RUBCN: variants seen among roughly 807,000 people sequenced by gnomAD.
RUBCN encodes rubicon autophagy regulator, also known as run domain Beclin-1-interacting and cysteine-rich domain-containing protein.
Under a neutral mutation model 113.2 loss-of-function variants are expected in RUBCN, and 74 were observed. The observed-to-expected ratio is 0.65, with a 90% confidence interval of 0.54 to 0.79. RUBCN has a LOEUF of 0.79. Among genes scored for constraint, RUBCN ranks in the 30% least tolerant of loss-of-function variants. The pLI is 0.00. For missense variants in RUBCN, 1,109 were observed against 1,251.7 expected (o/e 0.89, Z 1.72); for synonymous variants, 480 against 490.0 (o/e 0.98, Z 0.27).
chr3:197,737,728 A>T (rs1728295520), upstream of RUBCN, among the ~76,000 whole-genome samples: 1 of 152,184 alleles, frequency 6.6e-6, no homozygotes, highest in Non-Finnish European at 1.5e-5. Flanking sequence ...ACTTTTGACA[A>T]TGTGGACAGG....
intron 1 of RUBCN, among the ~76,000 whole-genome samples, chr3:197,722,291 A>G (rs532406311): frequency 2.0e-5 from 3 of 152,142 alleles, no homozygotes; most frequent in South Asian, 2.1e-4. Flanking sequence ...TCAGTTTTTA[A>G]AAGTTTGTTG....
chr3:197,677,446 G>A lies in RUBCN; in HGVS notation c.2492+34C>T, dbSNP rs372579134. ...ATGTGTCCCTTTCGGAGACAGCAACGTGGCCAGAGGGCTCTAGCTCCAAAA... is the reference window on the plus strand; with the variant it reads ...ATGTGTCCCTTTCGGAGACAGCAACATGGCCAGAGGGCTCTAGCTCCAAAA... On this transcript the variant is annotated intron_variant, in intron 17 of 19. Transcript: ENST00000296343. The A allele has an allele frequency of 1.3e-4, 206 of 1,579,666 alleles. 1 individual carries two copies. The South Asian group carries it at 1.3e-3, about 10-fold the overall frequency.
chr3:197,742,782 C>G (rs1728579482), intron 1 of RUBCN, among the ~76,000 whole-genome samples: 1 of 152,244 alleles, frequency 6.6e-6, no homozygotes, highest in Admixed American at 6.5e-5. Context: ...CCCAAGAATC[C>G]TGGCTCCCTG....
At chr3:197,729,039 G>A (rs558595517) in intron 1 of RUBCN, among the ~76,000 whole-genome samples, 151 of 151,638 alleles carry the variant, frequency 1.0e-3, no homozygotes, top group Admixed American at 1.7e-3. Context: ...CGAGGCGGGC[G>A]GATCACGAGG....
chr3:197,738,944 A>G (rs1433861372), upstream of RUBCN, among the ~76,000 whole-genome samples: 1 of 151,930 alleles, frequency 6.6e-6, no homozygotes, highest in Non-Finnish European at 1.5e-5. Flanking sequence ...CATACAGTAT[A>G]ATCCCAAATT....
At chr3:197,737,458 C>T (rs1728275335), upstream of RUBCN, among the ~76,000 whole-genome samples, 1 of 151,192 alleles carries the variant, frequency 6.6e-6, no homozygotes, top group African/African-American at 2.4e-5. Flanking sequence ...AGGCTGAGTA[C>T]GGGTTAGCCA....
upstream of RUBCN, among the ~76,000 whole-genome samples, chr3:197,737,924 T>C (rs1160239391): frequency 2.0e-5 from 3 of 152,172 alleles, no homozygotes; most frequent in Non-Finnish European, 2.9e-5. Context: ...GGTCTCTCTC[T>C]GTCGCCCAGG....
intron 17 of RUBCN, 123 bp downstream of exon 17, chr3:197,677,357 C>G (rs769732054): frequency 3.5e-6 from 3 of 855,600 alleles, no homozygotes; most frequent in Non-Finnish European, 6.1e-6. Context: ...TCCTGTTTAC[C>G]ACTTTACAGT....
At chr3:197,676,461 C>A in intron 18 of RUBCN, 1 of 607,422 alleles carries the variant, frequency 1.6e-6, no homozygotes, top group Non-Finnish European at 2.2e-6. Flanking sequence ...TTACAGGCAC[C>A]CGCCATCATG....
chr3:197,742,394 G>A (rs1158359630), intron 1 of RUBCN, among the ~76,000 whole-genome samples: 2 of 152,006 alleles, frequency 1.3e-5, no homozygotes, highest in African/African-American at 4.8e-5. Flanking sequence ...TTGGGAGGCT[G>A]AGGCAGGAGA....
chr3:197,677,539 C>A lies in RUBCN; in HGVS notation c.2433G>T (p.Leu811=), dbSNP rs1006019665. ...TCATGTGACACAGCTGGACCCGCAG[C>A]AGCTGAAAAGAAAGAGAGGGGGGCA... ...RKVKLLNQVR[L]LRVQLCHMKN... Residue 811 remains leucine, a splice_region_variant and synonymous_variant, in exon 17 of 20, where the codon CTG becomes CTT. Transcript: ENST00000296343. 1 of 1,614,052 alleles carries A rather than the reference C, an allele frequency of 6.2e-7. No individual in the cohort carries two copies. The highest frequency in any genetic ancestry group is 8.5e-7 in the Non-Finnish European group (1 of 1,180,010).
At chr3:197,741,155 A>G (rs1450630458), upstream of RUBCN, among the ~76,000 whole-genome samples, 2 of 152,210 alleles carry the variant, frequency 1.3e-5, no homozygotes, top group Non-Finnish European at 1.5e-5. Context: ...CAATGATCTT[A>G]GTATGGTTTT....
chr3:197,735,439 C>T (rs1264404762), intron 1 of RUBCN, among the ~76,000 whole-genome samples: 1 of 152,196 alleles, frequency 6.6e-6, no homozygotes, highest in East Asian at 1.9e-4. Flanking sequence ...TCAAGTATGA[C>T]TCCCTTAAGC....
upstream of RUBCN, among the ~76,000 whole-genome samples, chr3:197,737,961 T>TC (rs1305168178): frequency 6.6e-6 from 1 of 152,126 alleles, no homozygotes; most frequent in African/African-American, 2.4e-5. Context: ...CAATCATAGC[T>TC]CCCTGCAGCC....
At chr3:197,745,482 G>A (rs1051059894) in intron 1 of RUBCN, among the ~76,000 whole-genome samples, 24 of 151,488 alleles carry the variant, frequency 1.6e-4, no homozygotes, top group Non-Finnish European at 2.9e-4. Flanking sequence ...CAGCATGGTG[G>A]CGCATGCCTG....
intron 5 of RUBCN, 127 bp from the exon 6 acceptor site, chr3:197,701,991 A>G: frequency 1.2e-6 from 1 of 826,634 alleles, no homozygotes; most frequent in Non-Finnish European, 2.0e-6. Context: ...CTTTAGCCAG[A>G]GCCTGTAGAT....
At chr3:197,677,676 T>C (rs2108835899) in intron 16 of RUBCN, 135 bp from the exon 17 acceptor site, 1 of 738,518 alleles carries the variant, frequency 1.4e-6, no homozygotes, top group East Asian at 2.6e-5. Context: ...TGTCCTACGC[T>C]CTGACAACTG....
exon 1 of RUBCN, chr3:197,749,548 G>A (rs915643349): frequency 2.8e-5 from 36 of 1,291,356 alleles, no homozygotes; most frequent in Non-Finnish European, 3.4e-5. Flanking sequence ...CGTTGCGGTG[G>A]GCGCGAAAGG....
intron 16 of RUBCN, among the ~76,000 whole-genome samples, chr3:197,678,803 C>T (rs1720806039): frequency 6.7e-6 from 1 of 148,564 alleles, no homozygotes; most frequent in Non-Finnish European, 1.5e-5. Flanking sequence ...CTGTCCTACG[C>T]TCTGACAACT....
Sources: gnomAD v4.1 joint callset for allele counts (sites outside exome capture counted in the v4.1 genomes callset) on GRCh38, gnomAD v4.1.1 for gene constraint, MANE v1.5 for transcripts, NCBI Gene and HGNC (gene_info 2026-07-23, HGNC 2026-07-21) for gene names.